Variants in HTR7 observed in about 807,000 individuals in gnomAD.
HTR7 encodes 5-HT-7.
HTR7 carries 16 observed loss-of-function variants against 34.0 expected under a neutral mutation model. The ratio of observed to expected loss-of-function variants is 0.47; its 90% CI spans 0.32 to 0.71. The LOEUF (loss-of-function observed/expected upper bound fraction) is 0.71. Among genes scored for constraint, HTR7 ranks in the 30% least tolerant of loss-of-function variants. HTR7 has a pLI of 0.04. For missense variants in HTR7, 504 were observed against 625.5 expected, an observed-to-expected ratio of 0.81 and a Z score of 2.07; for synonymous variants, 265 against 260.2, an observed-to-expected ratio of 1.02 and a Z score of -0.18.
intron 1 of HTR7, among the ~76,000 whole-genome samples, chr10:90,821,134 G>GCGCACACACA (rs111550818): frequency 4.7e-5 from 7 of 150,204 alleles, no homozygotes; most frequent in South Asian, 2.1e-4. Context: ...ACACACACAT[G>GCGCACACACA]CACACACACA....
chr10:90,756,908 A>T (rs1001749499), intron 1 of HTR7, among the ~76,000 whole-genome samples: 6 of 152,160 alleles, frequency 3.9e-5, no homozygotes, highest in Non-Finnish European at 7.4e-5. Flanking sequence ...CAATTATACA[A>T]AGTCATGAAA....
chr10:90,798,093 G>A (rs1845570010), intron 1 of HTR7, among the ~76,000 whole-genome samples: 1 of 152,066 alleles, frequency 6.6e-6, no homozygotes. Flanking sequence ...CATCAAAATG[G>A]CAAATAAATT....
chr10:90,824,013 A>C (rs1394501336), intron 1 of HTR7, among the ~76,000 whole-genome samples: 2 of 152,222 alleles, frequency 1.3e-5, no homozygotes, highest in Non-Finnish European at 2.9e-5. Flanking sequence ...ACTGAGTCTC[A>C]GGTAGTTCTT....
chr10:90,846,058 G>T (rs191917009), intron 1 of HTR7, among the ~76,000 whole-genome samples: 1 of 152,206 alleles, frequency 6.6e-6, no homozygotes, highest in Non-Finnish European at 1.5e-5. Context: ...GAAGAAATGT[G>T]TACAAGTTGA....
intron 1 of HTR7, among the ~76,000 whole-genome samples, chr10:90,800,459 C>T (rs1845608690): frequency 6.7e-6 from 1 of 148,836 alleles, no homozygotes; most frequent in African/African-American, 2.5e-5. Flanking sequence ...CACCCTCCCA[C>T]CCTCCTAACA....
At chr10:90,791,608 T>A (rs1173942373) in intron 1 of HTR7, among the ~76,000 whole-genome samples, 1 of 152,082 alleles carries the variant, frequency 6.6e-6, no homozygotes, top group Non-Finnish European at 1.5e-5. Flanking sequence ...TAAATTAAAA[T>A]GTCATAGCCC....
At chr10:90,817,174 T>C (rs7082558) in intron 1 of HTR7, among the ~76,000 whole-genome samples, 95,868 of 151,958 alleles carry the variant, frequency 0.63, 31,846 homozygotes, top group African/African-American at 0.87. Flanking sequence ...ATTCTAAACA[T>C]CCAACAGACT....
At chr10:90,841,618 C>A (rs1460911103) in intron 1 of HTR7, among the ~76,000 whole-genome samples, 2 of 152,138 alleles carry the variant, frequency 1.3e-5, no homozygotes, top group African/African-American at 2.4e-5. Context: ...TTAACATCAT[C>A]TTCTTCTCTG....
At chr10:90,812,234 A>T (rs543236462) in intron 1 of HTR7, among the ~76,000 whole-genome samples, 30 of 152,228 alleles carry the variant, frequency 2.0e-4, no homozygotes, top group African/African-American at 7.0e-4. Context: ...TGCCCCAAAA[A>T]AACTTGTCAT....
intron 1 of HTR7, among the ~76,000 whole-genome samples, chr10:90,760,507 A>G (rs569013773): frequency 6.6e-6 from 1 of 152,344 alleles, no homozygotes; most frequent in South Asian, 2.1e-4. Flanking sequence ...AATATTCCCA[A>G]TGCAAAGAAA....
chr10:90,781,140 G>C (rs1168860257), intron 1 of HTR7, among the ~76,000 whole-genome samples: 1 of 152,186 alleles, frequency 6.6e-6, no homozygotes, highest in Non-Finnish European at 1.5e-5. Context: ...GCTCTTAGAA[G>C]TAATCATTGT....
chr10:90,767,328 T>C lies in HTR7; in HGVS notation c.540-17734A>G, dbSNP rs1490268678. 2.0e-5 allele frequency among the ~76,000 whole-genome samples: 3 copies of C among 152,368 alleles called. No individual in the cohort carries two copies. In the East Asian group the frequency reaches 5.8e-4, roughly 29 times the overall value. On this transcript the variant is annotated intron_variant, in intron 1 of 3. Coordinates refer to ENST00000336152, the MANE Select transcript of HTR7 (RefSeq NM_019859.4). ...GTCTGCCAATTAGTCCTTCTTTATA[T>C]AAATCTCTTCATGAACTTGGCAAGT...
intron 1 of HTR7, among the ~76,000 whole-genome samples, chr10:90,831,917 G>A (rs561931069): frequency 6.6e-6 from 1 of 151,864 alleles, no homozygotes; most frequent in Non-Finnish European, 1.5e-5. Context: ...AATGTTCTGC[G>A]AGTCCCCACC....
rs572234167 is a variant in HTR7, at chr10:90,780,814, G to A, written c.540-31220C>T. Reference sequence around the variant, plus strand: ...AAATCCAACGGGATTGTTGGAAGTGGTCTGTTTCTTTATCCCAGAAAGAGA... The same window carrying A: ...AAATCCAACGGGATTGTTGGAAGTGATCTGTTTCTTTATCCCAGAAAGAGA... On this transcript the variant is annotated intron_variant, in intron 1 of 3. Coordinates refer to ENST00000336152, the MANE Select transcript of HTR7 (RefSeq NM_019859.4). Among the ~76,000 whole-genome samples the A allele has an allele frequency of 6.6e-4, 100 of 152,288 alleles. No homozygotes were observed. In the South Asian group the frequency reaches 0.02, roughly 30 times the overall value.
At chr10:90,742,608 T>G (rs1284317291) in intron 3 of HTR7, 80 bp from the exon 4 acceptor site, 2 of 912,562 alleles carry the variant, frequency 2.2e-6, no homozygotes, top group Non-Finnish European at 3.5e-6. Context: ...TAGGTGGACT[T>G]AATTTTTACA....
At chr10:90,774,163 C>T (rs1845165947) in intron 1 of HTR7, among the ~76,000 whole-genome samples, 2 of 152,014 alleles carry the variant, frequency 1.3e-5, no homozygotes, top group South Asian at 4.2e-4. Context: ...TCCAGGAGCT[C>T]AAATGATACC....
intron 1 of HTR7, among the ~76,000 whole-genome samples, chr10:90,844,725 TCAAAAAAAAAAAAAAAAAAAAAAAA>T (rs1320801778): frequency 1.1e-4 from 3 of 27,784 alleles, no homozygotes; most frequent in Non-Finnish European, 8.1e-5. Flanking sequence ...AGACTCCGTC[TCAAAAAAAAAAAAAAAAAAAAAAAA>T]AAAAAAAAAA....
chr10:90,801,516 T>C (rs1296882449), intron 1 of HTR7, among the ~76,000 whole-genome samples: 2 of 152,228 alleles, frequency 1.3e-5, no homozygotes, highest in Non-Finnish European at 2.9e-5. Context: ...TAGGAAAGAT[T>C]AGCTAAGAGT....
At chr10:90,813,064 A>C (rs1589462313) in intron 1 of HTR7, among the ~76,000 whole-genome samples, 21 of 138,146 alleles carry the variant, frequency 1.5e-4, no homozygotes, top group African/African-American at 2.2e-4. Context: ...TGCAACCCCC[A>C]CTCCTGCCCG....
Sources: allele counts gnomAD v4.1 joint callset (sites outside exome capture counted in the v4.1 genomes callset), GRCh38; gene constraint gnomAD v4.1.1; transcripts MANE v1.5; gene names NCBI Gene and HGNC (gene_info 2026-07-23, HGNC 2026-07-21).